The following PPFIA2 variants were observed in gnomAD, a reference collection of about 807,000 sequenced individuals.
The protein encoded by PPFIA2 is liprin-alpha-2.
In PPFIA2, 46 loss-of-function variants were observed where a neutral mutation model predicts 175.5. That is an observed-to-expected ratio of 0.26 (90% CI 0.21 to 0.34). PPFIA2 has a LOEUF of 0.34. Among genes scored for constraint, PPFIA2 ranks in the 10% least tolerant of loss-of-function variants. The probability of loss-of-function intolerance (pLI) is 1.00; values close to 1 mark genes in which losing one functional copy is unlikely to be tolerated. For missense variants in PPFIA2, 1,179 were observed against 1,506.1 expected (o/e 0.78, Z 3.60); for synonymous variants, 568 against 511.4 (o/e 1.11, Z -1.49).
chr12:81,314,462 TA>T (rs369081505), intron 22 of PPFIA2, among the ~76,000 whole-genome samples: 28 of 151,994 alleles, frequency 1.8e-4, no homozygotes, highest in Middle Eastern at 3.4e-3. Context: ...TTAATTAACA[TA>T]AAAAAATAGG....
intron 4 of PPFIA2, among the ~76,000 whole-genome samples, chr12:81,534,924 G>A (rs1342303778): frequency 6.6e-6 from 1 of 151,644 alleles, no homozygotes; most frequent in Non-Finnish European, 1.5e-5. Flanking sequence ...TTGGAGAAAT[G>A]GATAATTAGG....
Position 81,384,086 on chromosome 12 carries a change from T to G in PPFIA2, c.921A>C (p.Thr307=), listed in dbSNP as rs1407631264. ...CTGTTTTAATGAGATCCTTTCTTGCTGTCTCTGCTTCCTGTTCCACCTCTC... is the reference window on the plus strand; with the variant it reads ...CTGTTTTAATGAGATCCTTTCTTGCGGTCTCTGCTTCCTGTTCCACCTCTC... ...RVGEVEQEAE[T]ARKDLIKTEE... is the part of the protein sequence containing the mutation. Residue 307 remains threonine, a synonymous_variant, in exon 9 of 33, where the codon ACA becomes ACC. Transcript: ENST00000549396. 6.2e-7 allele frequency: 1 copy of G among 1,613,394 alleles called. No homozygotes were observed. Among genetic ancestry groups the G allele is most frequent in the East Asian group, 2.2e-5 (1 of 44,798 alleles).
At chr12:81,320,506 A>G (rs2053431770) in intron 22 of PPFIA2, among the ~76,000 whole-genome samples, 1 of 152,054 alleles carries the variant, frequency 6.6e-6, no homozygotes, top group South Asian at 2.1e-4. Context: ...TACATAGAAA[A>G]GTCTAACATA....
intron 7 of PPFIA2, among the ~76,000 whole-genome samples, chr12:81,415,694 T>C (rs970639476): frequency 1.2e-4 from 18 of 147,134 alleles, no homozygotes; most frequent in Non-Finnish European, 2.7e-4. Context: ...AACAGAATGA[T>C]TCCAATAGCA....
chr12:81,671,656 A>G (rs2071444008), intron 4 of PPFIA2, among the ~76,000 whole-genome samples: 2 of 152,020 alleles, frequency 1.3e-5, no homozygotes, highest in South Asian at 2.1e-4. Flanking sequence ...AATTCCTTCC[A>G]TGTAATTTAT....
intron 4 of PPFIA2, among the ~76,000 whole-genome samples, chr12:81,674,324 C>T (rs1435235081): frequency 6.6e-6 from 1 of 151,960 alleles, no homozygotes; most frequent in Admixed American, 6.6e-5. Flanking sequence ...AAAACATCAT[C>T]ATAGAATGGT....
intron 4 of PPFIA2, among the ~76,000 whole-genome samples, chr12:81,511,958 C>T (rs370603783): frequency 6.6e-6 from 1 of 151,576 alleles, no homozygotes; most frequent in South Asian, 2.1e-4. Context: ...AATAGTCTAA[C>T]AACTTTTTAG....
chr12:81,357,754 C>T (rs2061060004), intron 16 of PPFIA2, among the ~76,000 whole-genome samples: 1 of 152,044 alleles, frequency 6.6e-6, no homozygotes, highest in African/African-American at 2.4e-5. Context: ...CAAACATAGG[C>T]CCAAGTTTTG....
intron 4 of PPFIA2, among the ~76,000 whole-genome samples, chr12:81,469,132 A>G (rs761866805): frequency 9.2e-5 from 14 of 152,190 alleles, no homozygotes; most frequent in Non-Finnish European, 1.9e-4. Context: ...ATACTGAGGG[A>G]TATTTTTTAA....
At position 81,267,996 on chromosome 12, in the gene PPFIA2, C is replaced by T. The variant is rs1293750801; in HGVS notation, c.3402G>A (p.Val1134=). The T allele has an allele frequency of 6.3e-7, 1 of 1,598,732 alleles. No homozygotes were observed. The highest frequency in any genetic ancestry group is 8.5e-7 in the Non-Finnish European group (1 of 1,171,718). The stretch of plus-strand genomic sequence containing the variant: ...CATCCAGGGCTATAAGTGAGCCATG[C>T]ACACCGCTCTCAAGTATATTATTTG... ...EYANNILESG[V]HGSLIALDEN... Residue 1134 remains valine (V), a synonymous_variant, in exon 29 of 33, where the codon GTG becomes GTA. Transcript: ENST00000549396.
At chr12:81,578,910 A>G (rs1231862959) in intron 4 of PPFIA2, among the ~76,000 whole-genome samples, 3 of 151,788 alleles carry the variant, frequency 2.0e-5, no homozygotes, top group Non-Finnish European at 2.9e-5. Flanking sequence ...AGTACAGGAG[A>G]AGGAGACACT....
chr12:81,272,869 T>C (rs2136492007), intron 28 of PPFIA2, among the ~76,000 whole-genome samples: 1 of 152,326 alleles, frequency 6.6e-6, no homozygotes, highest in South Asian at 2.1e-4. Flanking sequence ...CATTTCAAAA[T>C]AAAGCTTAGG....
At chr12:81,728,148 G>A (rs2080337779) in intron 3 of PPFIA2, among the ~76,000 whole-genome samples, 2 of 151,370 alleles carry the variant, frequency 1.3e-5, no homozygotes, top group South Asian at 2.1e-4. Context: ...GGAAAATACT[G>A]CCAAAGGCTG....
chr12:81,427,552 T>G (rs2047359355), intron 7 of PPFIA2, among the ~76,000 whole-genome samples: 1 of 151,982 alleles, frequency 6.6e-6, no homozygotes, highest in Non-Finnish European at 1.5e-5. Context: ...TGCTACAGAA[T>G]TATTCTATGA....
Position 81,369,211 on chromosome 12 carries a change from A to G in PPFIA2, c.1267-17T>C. On this transcript the variant is annotated splice_polypyrimidine_tract_variant and intron_variant, in intron 11 of 32. Coordinates refer to ENST00000549396, the MANE Select transcript of PPFIA2 (RefSeq NM_003625.5). ...CTCTTCAGCCTGTTAAGAAATATGA[A>G]GAATACACCTGAAATGTAAGATTTG... 1 of 1,603,220 alleles carries G rather than the reference A, an allele frequency of 6.2e-7. No homozygotes were observed. The highest frequency in any genetic ancestry group is 8.5e-7 in the Non-Finnish European group (1 of 1,173,742).
chr12:81,539,839 T>G (rs2065938260), intron 4 of PPFIA2, among the ~76,000 whole-genome samples: 1 of 152,040 alleles, frequency 6.6e-6, no homozygotes, highest in Non-Finnish European at 1.5e-5. Flanking sequence ...CACTCTATAT[T>G]TCTTATTTTC....
chr12:81,286,587 A>G (rs1343076359), intron 24 of PPFIA2, among the ~76,000 whole-genome samples: 1 of 152,036 alleles, frequency 6.6e-6, no homozygotes, highest in African/African-American at 2.4e-5. Context: ...TATACCATTT[A>G]GGTTTATGTA....
intron 22 of PPFIA2, among the ~76,000 whole-genome samples, chr12:81,312,847 A>C (rs2051280278): frequency 6.6e-6 from 1 of 152,200 alleles, no homozygotes; most frequent in Non-Finnish European, 1.5e-5. Flanking sequence ...ATTTTGGTAA[A>C]CATATATGGC....
chr12:81,450,886 C>T (rs1488298525), intron 5 of PPFIA2, among the ~76,000 whole-genome samples: 1 of 152,072 alleles, frequency 6.6e-6, no homozygotes, highest in Non-Finnish European at 1.5e-5. Context: ...ACAATTCAAG[C>T]TTGGACATAA....
Sources: allele counts gnomAD v4.1 joint callset (sites outside exome capture counted in the v4.1 genomes callset), GRCh38; gene constraint gnomAD v4.1.1; transcripts MANE v1.5; gene names NCBI Gene and HGNC (gene_info 2026-07-23, HGNC 2026-07-21).